ZNF385B: variants seen among roughly 807,000 people sequenced by gnomAD.
ZNF385B encodes the protein zinc finger protein 533.
ZNF385B carries 23 observed loss-of-function variants against 39.2 expected under a neutral mutation model. The observed-to-expected ratio is 0.59, with a 90% CI of 0.42 to 0.83. The LOEUF is 0.83. Among genes scored for constraint, ZNF385B ranks in the 40% least tolerant of loss-of-function variants. The pLI, the probability that ZNF385B is intolerant of heterozygous loss-of-function variation, is 0.00. For synonymous variants in ZNF385B, 205 were observed against 222.6 expected (o/e 0.92, Z 0.70); for missense variants, 552 against 598.9 (o/e 0.92, Z 0.82).
chr2:179,828,851 G>A (rs1054996180), intron 1 of ZNF385B, among the ~76,000 whole-genome samples: 1 of 151,960 alleles, frequency 6.6e-6, no homozygotes, highest in Non-Finnish European at 1.5e-5. Context: ...ATCATCTCAC[G>A]TTTTTATTCC....
intron 1 of ZNF385B, chr2:179,796,140 G>A (rs1043416135): frequency 6.6e-6 from 1 of 152,128 alleles, no homozygotes; most frequent in Non-Finnish European, 1.5e-5. Flanking sequence ...ATAGCAAGCA[G>A]CAGCAACTTT....
chr2:179,678,740 C>T (rs771704126), intron 3 of ZNF385B, among the ~76,000 whole-genome samples: 3 of 152,164 alleles, frequency 2.0e-5, no homozygotes, highest in Non-Finnish European at 2.9e-5. Context: ...ACTTTCCTAA[C>T]CAGCTGTGTC....
chr2:179,596,533 G>A (rs142926618), intron 3 of ZNF385B, among the ~76,000 whole-genome samples: 3 of 152,182 alleles, frequency 2.0e-5, no homozygotes, highest in East Asian at 1.9e-4. Context: ...TTCCTCTATC[G>A]TTGGCTTCTG....
chr2:179,577,974 ATTAC>A (rs1398068030), intron 3 of ZNF385B, among the ~76,000 whole-genome samples: 1 of 152,074 alleles, frequency 6.6e-6, no homozygotes, highest in African/African-American at 2.4e-5. Flanking sequence ...ACAATTACTT[ATTAC>A]TTAATTACAT....
chr2:179,721,313 T>C (rs910911526), intron 3 of ZNF385B, among the ~76,000 whole-genome samples: 2 of 152,026 alleles, frequency 1.3e-5, no homozygotes, highest in African/African-American at 4.8e-5. Context: ...CTGAGGAAAA[T>C]ACAACTTAAC....
rs75174184 is a variant in ZNF385B, at chr2:179,790,793, T to C, written c.-154-20121A>G. Among the ~76,000 whole-genome samples, 705 of 152,336 alleles carry C rather than the reference T, an allele frequency of 4.6e-3. 11 individuals carry two copies. Among genetic ancestry groups the C allele is most frequent in the Non-Finnish European group, 5.1e-3 (348 of 68,026 alleles). On this transcript the variant is annotated intron_variant, in intron 1 of 9. Coordinates refer to ENST00000410066, the MANE Select transcript of ZNF385B (RefSeq NM_152520.6). The stretch of plus-strand genomic sequence containing the variant: ...GTCTGGGCATCAAATTCCTCCTCTG[T>C]AAAAGGAGGAGAATGAACCAGATGA...
chr2:179,483,863 A>G (rs1047153452), intron 5 of ZNF385B, among the ~76,000 whole-genome samples: 13 of 152,168 alleles, frequency 8.5e-5, no homozygotes, highest in African/African-American at 2.9e-4. Context: ...CCACGTGTCT[A>G]CTTTCTTCTG....
chr2:179,593,884 C>T (rs903808439), intron 3 of ZNF385B, among the ~76,000 whole-genome samples: 1 of 152,162 alleles, frequency 6.6e-6, no homozygotes, highest in Non-Finnish European at 1.5e-5. Flanking sequence ...TTAGTTATAG[C>T]CATCCCCCTT....
chr2:179,465,485 T>C (rs568932083), intron 6 of ZNF385B, among the ~76,000 whole-genome samples: 3 of 152,198 alleles, frequency 2.0e-5, no homozygotes, highest in Admixed American at 2.0e-4. Flanking sequence ...ATGTATAAGC[T>C]GCTCCACACA....
chr2:179,776,104 G>T (rs1321370055), intron 1 of ZNF385B, among the ~76,000 whole-genome samples: 1 of 152,134 alleles, frequency 6.6e-6, no homozygotes, highest in Non-Finnish European at 1.5e-5. Context: ...TCATATTTGG[G>T]GTCATTCCTG....
At chr2:179,650,329 T>C (rs1693090562) in intron 3 of ZNF385B, among the ~76,000 whole-genome samples, 1 of 152,198 alleles carries the variant, frequency 6.6e-6, no homozygotes, top group Non-Finnish European at 1.5e-5. Flanking sequence ...TAAATTCTAA[T>C]TTACATTTAG....
intron 3 of ZNF385B, among the ~76,000 whole-genome samples, chr2:179,626,373 T>G (rs545113766): frequency 1.5e-3 from 226 of 152,282 alleles, no homozygotes; most frequent in African/African-American, 4.8e-3. Flanking sequence ...TACAGCACAC[T>G]GCCTCAGATG....
At chr2:179,673,750 G>A (rs189456047) in intron 3 of ZNF385B, among the ~76,000 whole-genome samples, 2 of 152,172 alleles carry the variant, frequency 1.3e-5, no homozygotes, top group East Asian at 3.9e-4. Context: ...CAACAATTAA[G>A]TGGAATCTGT....
chr2:179,594,140 T>A (rs1340643223), intron 3 of ZNF385B, among the ~76,000 whole-genome samples: 1 of 152,210 alleles, frequency 6.6e-6, no homozygotes, highest in Admixed American at 6.5e-5. Flanking sequence ...ATTATTTGTT[T>A]TCAGCTTGTT....
At chr2:179,444,505 T>TATTAA (rs1339735579) in intron 9 of ZNF385B, among the ~76,000 whole-genome samples, 1 of 152,208 alleles carries the variant, frequency 6.6e-6, no homozygotes, top group African/African-American at 2.4e-5. Context: ...AGCATGAGGA[T>TATTAA]ATTAAATTAA....
chr2:179,748,729 G>T (rs1702514406), intron 3 of ZNF385B, among the ~76,000 whole-genome samples: 1 of 152,078 alleles, frequency 6.6e-6, no homozygotes, highest in Non-Finnish European at 1.5e-5. Context: ...CATTTGCTTG[G>T]AGTCTTTCTT....
At position 179,680,734 on chromosome 2, in the gene ZNF385B, T is replaced by A. The variant is rs544193687; in HGVS notation, c.298+88769A>T. 2.0e-5 allele frequency among the ~76,000 whole-genome samples: 3 copies of A among 152,256 alleles called. No individual in the cohort carries two copies. The South Asian group carries it at 6.2e-4, about 32-fold the overall frequency. ...GGTTTTAACTTAAGAATGTTAAATA[T>A]TAAAATCTAAGATCTTGATGTCTTG... On this transcript the variant is annotated intron_variant, in intron 3 of 9. Coordinates refer to ENST00000410066, the MANE Select transcript of ZNF385B (RefSeq NM_152520.6).
rs568301816 is a variant in ZNF385B, at chr2:179,759,852, T to G, written c.298+9651A>C. On this transcript the variant is annotated intron_variant, in intron 3 of 9. Coordinates refer to ENST00000410066, the MANE Select transcript of ZNF385B (RefSeq NM_152520.6). ...TGTAAAATAGGAACTTGGTAATATT[T>G]AAAATAAGAAAAATCCCCAAGGGTT... Among the ~76,000 whole-genome samples the G allele has an allele frequency of 3.9e-5, 6 of 152,282 alleles. No individual in the cohort carries two copies. The South Asian group carries it at 1.2e-3, about 32-fold the overall frequency.
At chr2:179,810,854 T>C (rs926106589) in intron 1 of ZNF385B, among the ~76,000 whole-genome samples, 2 of 151,982 alleles carry the variant, frequency 1.3e-5, no homozygotes, top group Admixed American at 6.6e-5. Flanking sequence ...AATGGGAATA[T>C]AAGAAGTCAA....
Sources: allele counts gnomAD v4.1 joint callset (sites outside exome capture counted in the v4.1 genomes callset), GRCh38; gene constraint gnomAD v4.1.1; transcripts MANE v1.5; gene names NCBI Gene and HGNC (gene_info 2026-07-23, HGNC 2026-07-21).